The following NPAS3 variants were observed in gnomAD, a reference collection of about 807,000 sequenced individuals.
The protein encoded by NPAS3 is neuronal PAS domain protein 3.
A neutral mutation model predicts 73.1 loss-of-function variants in NPAS3; 14 were observed. That is an observed-to-expected ratio of 0.19 (90% CI 0.13 to 0.30). NPAS3 has a LOEUF of 0.30. Among genes scored for constraint, NPAS3 ranks in the 10% least tolerant of loss-of-function variants. NPAS3 has a pLI of 1.00. For missense variants in NPAS3, 1,096 were observed against 1,250.0 expected (o/e 0.88, Z 1.86); for synonymous variants, 620 against 541.5 (o/e 1.14, Z -2.01).
chr14:33,347,263 A>G (rs1401201237), intron 3 of NPAS3, among the ~76,000 whole-genome samples: 2 of 152,226 alleles, frequency 1.3e-5, no homozygotes, highest in Non-Finnish European at 2.9e-5. Context: ...GGTTATTTGT[A>G]TAATATCAGA....
intron 2 of NPAS3, among the ~76,000 whole-genome samples, chr14:33,058,147 T>G (rs2040955856): frequency 6.6e-6 from 1 of 151,498 alleles, no homozygotes; most frequent in Non-Finnish European, 1.5e-5. Context: ...ACATGGATAG[T>G]ATTGTAAAAA....
intron 6 of NPAS3, among the ~76,000 whole-genome samples, chr14:33,730,851 A>C (rs566015730): frequency 1.3e-5 from 2 of 152,334 alleles, no homozygotes; most frequent in African/African-American, 4.8e-5. Context: ...GCCTTGTTAA[A>C]GTCATTTTGG....
chr14:32,997,890 C>T (rs980652997), intron 1 of NPAS3, among the ~76,000 whole-genome samples: 13 of 152,196 alleles, frequency 8.5e-5, no homozygotes, highest in Middle Eastern at 3.4e-3. Flanking sequence ...CCTAGTCTCG[C>T]GTATGTCTTT....
intron 3 of NPAS3, among the ~76,000 whole-genome samples, chr14:33,287,149 A>C (rs1052303373): frequency 6.6e-6 from 1 of 152,348 alleles, no homozygotes; most frequent in Non-Finnish European, 1.5e-5. Flanking sequence ...GGGAGAAAAA[A>C]AGTGATGTGA....
At chr14:33,023,304 G>A (rs2039675859) in intron 1 of NPAS3, among the ~76,000 whole-genome samples, 1 of 152,090 alleles carries the variant, frequency 6.6e-6, no homozygotes, top group Admixed American at 6.6e-5. Context: ...TTTTTTTCTA[G>A]TGAGACAAAA....
chr14:32,976,673 CA>C (rs1186873448), intron 1 of NPAS3, among the ~76,000 whole-genome samples: 1 of 152,200 alleles, frequency 6.6e-6, no homozygotes, highest in African/African-American at 2.4e-5. Flanking sequence ...CAACATTAGC[CA>C]GTGCTTCTTT....
intron 4 of NPAS3, among the ~76,000 whole-genome samples, chr14:33,548,818 C>T (rs189461782): frequency 6.6e-6 from 1 of 152,326 alleles, no homozygotes; most frequent in African/African-American, 2.4e-5. Flanking sequence ...ATGCCAGCTA[C>T]TGACCTCTGA....
chr14:33,546,653 G>T (rs2054858124), intron 4 of NPAS3, among the ~76,000 whole-genome samples: 1 of 152,136 alleles, frequency 6.6e-6, no homozygotes, highest in Non-Finnish European at 1.5e-5. Flanking sequence ...AATTTTAATT[G>T]TGATGACATA....
intron 6 of NPAS3, among the ~76,000 whole-genome samples, chr14:33,713,366 C>T (rs1171403517): frequency 1.3e-5 from 2 of 152,200 alleles, no homozygotes. Context: ...TAACCATAGC[C>T]TCACAGCCAT....
chr14:33,413,600 C>T (rs541921051), intron 4 of NPAS3, among the ~76,000 whole-genome samples: 4 of 152,204 alleles, frequency 2.6e-5, no homozygotes, highest in South Asian at 2.1e-4. Flanking sequence ...GCACTGGCAG[C>T]GTGAGGATTG....
At chr14:33,303,118 G>T (rs10483435) in intron 3 of NPAS3, among the ~76,000 whole-genome samples, 5,361 of 151,984 alleles carry the variant, frequency 0.035, 272 homozygotes, top group East Asian at 0.18. Flanking sequence ...ATGTACTTTG[G>T]AACTTGTCGC....
chr14:33,058,237 G>C (rs1037210633), intron 2 of NPAS3, among the ~76,000 whole-genome samples: 4 of 152,150 alleles, frequency 2.6e-5, no homozygotes, highest in Non-Finnish European at 5.9e-5. Flanking sequence ...CAGGGTCACA[G>C]GGCTGCAGTG....
intron 6 of NPAS3, among the ~76,000 whole-genome samples, chr14:33,700,299 G>A (rs2060492629): frequency 9.9e-5 from 15 of 152,188 alleles, no homozygotes; most frequent in Admixed American, 9.8e-4. Context: ...CGATGACAGG[G>A]CAAACTGCAT....
At chr14:33,558,783 A>G (rs1367458329) in intron 4 of NPAS3, among the ~76,000 whole-genome samples, 2 of 151,200 alleles carry the variant, frequency 1.3e-5, no homozygotes, top group African/African-American at 4.9e-5. Flanking sequence ...AAATTTTGTC[A>G]TTAATTTAGT....
chr14:33,213,854 T>A (rs1185095682), intron 2 of NPAS3: 3 of 152,198 alleles, frequency 2.0e-5, no homozygotes, highest in Non-Finnish European at 4.4e-5. Flanking sequence ...ATTACATAGA[T>A]ATTCAGTAAG....
intron 2 of NPAS3, among the ~76,000 whole-genome samples, chr14:33,060,482 T>C (rs1295077023): frequency 6.6e-6 from 1 of 152,238 alleles, no homozygotes; most frequent in Non-Finnish European, 1.5e-5. Flanking sequence ...TAACCAAGAT[T>C]GAGAAGCCCT....
chr14:33,310,758 T>C (rs1356458127), intron 3 of NPAS3, among the ~76,000 whole-genome samples: 1 of 148,756 alleles, frequency 6.7e-6, no homozygotes, highest in East Asian at 2.0e-4. Context: ...TACCATGGAG[T>C]TGACTGAAAT....
chr14:33,088,653 T>C (rs1021911285), intron 2 of NPAS3, among the ~76,000 whole-genome samples: 18 of 152,188 alleles, frequency 1.2e-4, no homozygotes, highest in African/African-American at 4.3e-4. Context: ...TAAATGTCCC[T>C]GTGTGACAGC....
intron 6 of NPAS3, among the ~76,000 whole-genome samples, chr14:33,693,070 C>T (rs1175982417): frequency 2.0e-5 from 3 of 152,106 alleles, no homozygotes; most frequent in Admixed American, 6.5e-5. Flanking sequence ...AATATTTATA[C>T]ATTGATTGAA....
Sources: gnomAD v4.1 joint callset for allele counts (sites outside exome capture counted in the v4.1 genomes callset) on GRCh38, gnomAD v4.1.1 for gene constraint, MANE v1.5 for transcripts, NCBI Gene and HGNC (gene_info 2026-07-23, HGNC 2026-07-21) for gene names.